KCNQ5: variants seen among roughly 807,000 people sequenced by gnomAD.
KCNQ5 encodes potassium voltage-gated channel subfamily KQT member 5.
KCNQ5 carries 30 observed loss-of-function variants against 98.2 expected under a neutral mutation model. The observed-to-expected ratio is 0.31, with a 90% CI of 0.23 to 0.41. The LOEUF (loss-of-function observed/expected upper bound fraction) is 0.41. KCNQ5 is among the 10% of genes least tolerant of loss of function. The pLI, the probability that KCNQ5 is intolerant of heterozygous loss-of-function variation, is 1.00. For missense variants in KCNQ5, 835 were observed against 1,182.5 expected (o/e 0.71, Z 4.31); for synonymous variants, 458 against 449.4 (o/e 1.02, Z -0.24).
intron 11 of KCNQ5, among the ~76,000 whole-genome samples, chr6:73,176,827 T>TA (rs751178697): frequency 3.9e-5 from 6 of 152,034 alleles, no homozygotes; most frequent in Non-Finnish European, 7.4e-5. Context: ...GCTCAGCAGG[T>TA]AGGTGGATCT....
chr6:72,885,743 T>C (rs149635339), intron 1 of KCNQ5, among the ~76,000 whole-genome samples: 1,581 of 152,218 alleles, frequency 0.01, 15 homozygotes, highest in Non-Finnish European at 0.016. Flanking sequence ...AGATCACACA[T>C]GCACAAGGGA....
chr6:73,084,546 T>C (rs4708021), intron 5 of KCNQ5, among the ~76,000 whole-genome samples: 144,080 of 152,248 alleles, frequency 0.95, 68,177 homozygotes, highest in South Asian at 0.97. Context: ...GAGATACAAT[T>C]GAATAAGTCA....
intron 11 of KCNQ5, among the ~76,000 whole-genome samples, chr6:73,174,065 C>G (rs1970550): frequency 0.049 from 7,353 of 150,870 alleles, 636 homozygotes; most frequent in African/African-American, 0.17. Flanking sequence ...ATTACTACAT[C>G]TAGGATCAAG....
chr6:72,704,845 G>T (rs922259747), intron 1 of KCNQ5, among the ~76,000 whole-genome samples: 4 of 152,098 alleles, frequency 2.6e-5, no homozygotes, highest in African/African-American at 7.2e-5. Flanking sequence ...TAATGCTATT[G>T]CATTAAATGT....
In KCNQ5 at chr6:72,986,918, G is replaced by A. The variant is rs546800533; in HGVS notation, c.399-16990G>A. On this transcript the variant is annotated intron_variant, in intron 1 of 13. Coordinates refer to ENST00000370398, the MANE Select transcript of KCNQ5 (RefSeq NM_019842.4). ...CACTTGCTCAGTGGGGAAGAAGGGT[G>A]AGGAACAGGCAGCCTTGGGGCAGAT... 7.0e-6 allele frequency: 6 copies of A among 853,196 alleles called. No homozygotes were observed. The East Asian group carries it at 1.5e-4, about 21-fold the overall frequency. The allele number at this position is 853,196 out of a possible 1,614,324, so 52.9% of individuals were successfully genotyped here.
chr6:72,808,533 T>G (rs1775067915), intron 1 of KCNQ5, among the ~76,000 whole-genome samples: 1 of 152,192 alleles, frequency 6.6e-6, no homozygotes. Flanking sequence ...ATCCTGATAA[T>G]CCACTGTATC....
intron 1 of KCNQ5, among the ~76,000 whole-genome samples, chr6:72,868,196 C>T (rs1778069740): frequency 6.6e-6 from 1 of 152,072 alleles, no homozygotes; most frequent in South Asian, 2.1e-4. Context: ...TTGGATTAGG[C>T]TGTGGTATGC....
chr6:73,158,080 C>T, intron 10 of KCNQ5: 1 of 526,796 alleles, frequency 1.9e-6, no homozygotes, highest in Admixed American at 2.4e-5. Flanking sequence ...CGCCGGAACC[C>T]GCGCTGGAGC....
intron 5 of KCNQ5, among the ~76,000 whole-genome samples, chr6:73,103,235 G>A (rs563584856): frequency 6.6e-6 from 1 of 152,184 alleles, no homozygotes; most frequent in Admixed American, 6.5e-5. Context: ...ATTTATTTGT[G>A]GAAACTAAGA....
intron 1 of KCNQ5, among the ~76,000 whole-genome samples, chr6:72,754,308 A>G (rs1365660893): frequency 2.0e-5 from 3 of 152,074 alleles, no homozygotes; most frequent in East Asian, 3.9e-4. Flanking sequence ...AGTTGTTGTT[A>G]ATATGCTGAA....
chr6:72,960,153 A>G (rs1767269830), intron 1 of KCNQ5, among the ~76,000 whole-genome samples: 1 of 152,208 alleles, frequency 6.6e-6, no homozygotes, highest in Non-Finnish European at 1.5e-5. Flanking sequence ...TTACTAACAT[A>G]AAACTAAGTA....
intron 2 of KCNQ5, among the ~76,000 whole-genome samples, chr6:73,014,517 G>T (rs999983322): frequency 6.6e-6 from 1 of 151,992 alleles, no homozygotes; most frequent in Non-Finnish European, 1.5e-5. Context: ...ACTCTATCCA[G>T]GCTTTCCCAA....
At chr6:72,986,660 C>T in intron 1 of KCNQ5, 1 of 821,258 alleles carries the variant, frequency 1.2e-6, no homozygotes, top group Non-Finnish European at 2.0e-6. Flanking sequence ...TCCCAGGAAG[C>T]AGGTGCTTGG....
At chr6:72,749,136 A>G (rs758282530) in intron 1 of KCNQ5, among the ~76,000 whole-genome samples, 3 of 152,168 alleles carry the variant, frequency 2.0e-5, no homozygotes, top group Non-Finnish European at 4.4e-5. Flanking sequence ...TTGCCATGAT[A>G]GAACCTTACA....
At chr6:73,079,075 G>A (rs1773654850) in intron 5 of KCNQ5, among the ~76,000 whole-genome samples, 1 of 152,120 alleles carries the variant, frequency 6.6e-6, no homozygotes, top group Admixed American at 6.6e-5. Flanking sequence ...GCTAAGGCGG[G>A]CCAGTTGCTT....
At chr6:73,121,921 A>C (rs1775767598) in intron 8 of KCNQ5, among the ~76,000 whole-genome samples, 1 of 152,312 alleles carries the variant, frequency 6.6e-6, no homozygotes, top group African/African-American at 2.4e-5. Context: ...AATTCTTGTC[A>C]GCACCTAGGA....
intron 1 of KCNQ5, among the ~76,000 whole-genome samples, chr6:72,719,513 G>T (rs138332788): frequency 1.2e-4 from 19 of 152,318 alleles, no homozygotes; most frequent in African/African-American, 3.8e-4. Flanking sequence ...TTTGGCTAAT[G>T]AAAAACCTGG....
intron 1 of KCNQ5, among the ~76,000 whole-genome samples, chr6:72,825,784 G>A (rs1299868985): frequency 6.6e-6 from 1 of 152,056 alleles, no homozygotes. Context: ...CTAGCACATG[G>A]GAGGCACTGT....
At chr6:73,113,450 T>C (rs1775343184) in intron 7 of KCNQ5, among the ~76,000 whole-genome samples, 1 of 152,222 alleles carries the variant, frequency 6.6e-6, no homozygotes, top group Admixed American at 6.5e-5. Flanking sequence ...GCTGTGCCGC[T>C]CAATACAGTA....
Sources: gnomAD v4.1 joint callset for allele counts (sites outside exome capture counted in the v4.1 genomes callset) on GRCh38, gnomAD v4.1.1 for gene constraint, MANE v1.5 for transcripts, NCBI Gene and HGNC (gene_info 2026-07-23, HGNC 2026-07-21) for gene names.